Variants in LIN7A observed in about 807,000 individuals in gnomAD.
LIN7A encodes lin-7 cell polarity scaffold A, also known as protein lin-7 homolog A.
Under a neutral mutation model 29.8 loss-of-function variants are expected in LIN7A, and 25 were observed. The observed-to-expected ratio is 0.84, with a 90% CI of 0.61 to 1.17. The LOEUF is 1.17. LIN7A is among the 50% of genes most tolerant of loss of function. The pLI is 0.00. For synonymous variants in LIN7A, 118 were observed against 107.5 expected, an observed-to-expected ratio of 1.10 and a Z score of -0.60; for missense variants, 239 against 287.0, an observed-to-expected ratio of 0.83 and a Z score of 1.21.
At chr12:80,894,528 T>C (rs1875785440) in intron 1 of LIN7A, among the ~76,000 whole-genome samples, 1 of 152,190 alleles carries the variant, frequency 6.6e-6, no homozygotes, top group African/African-American at 2.4e-5. Context: ...TTTCTAGAAT[T>C]TTCGATTTAA....
intron 2 of LIN7A, among the ~76,000 whole-genome samples, chr12:80,888,049 G>A (rs535840448): frequency 2.0e-5 from 3 of 152,226 alleles, no homozygotes; most frequent in African/African-American, 7.2e-5. Context: ...CTTTCCCACT[G>A]AGGGGAAGCT....
At chr12:80,866,929 A>C (rs1164203479) in intron 2 of LIN7A, among the ~76,000 whole-genome samples, 1 of 152,140 alleles carries the variant, frequency 6.6e-6, no homozygotes, top group Non-Finnish European at 1.5e-5. Flanking sequence ...ACCCAGTGGA[A>C]AAGAGGGCAT....
chr12:80,917,262 G>C (rs1877072231), intron 1 of LIN7A, among the ~76,000 whole-genome samples: 1 of 152,130 alleles, frequency 6.6e-6, no homozygotes, highest in African/African-American at 2.4e-5. Flanking sequence ...AACTGGCAAA[G>C]AAACCATGGA....
intron 2 of LIN7A, among the ~76,000 whole-genome samples, chr12:80,855,138 A>T (rs187186215): frequency 6.6e-6 from 1 of 152,238 alleles, no homozygotes; most frequent in East Asian, 1.9e-4. Context: ...AAAAAAAGTA[A>T]ATGCTTCAAC....
intron 1 of LIN7A, among the ~76,000 whole-genome samples, chr12:80,921,018 T>TA (rs1317329125): frequency 1.3e-5 from 2 of 152,178 alleles, no homozygotes; most frequent in Non-Finnish European, 2.9e-5. Context: ...CCAGCTGTGG[T>TA]ATGGCCTGAA....
At chr12:80,853,987 C>T (rs918245861) in intron 2 of LIN7A, among the ~76,000 whole-genome samples, 1 of 152,236 alleles carries the variant, frequency 6.6e-6, no homozygotes. Flanking sequence ...AGCCACTGTG[C>T]CCCTGCTGAA....
chr12:80,870,774 C>T (rs1428257916), intron 2 of LIN7A, among the ~76,000 whole-genome samples: 1 of 152,180 alleles, frequency 6.6e-6, no homozygotes, highest in African/African-American at 2.4e-5. Context: ...CATCAGAGTG[C>T]TCCTCCAGGT....
intron 5 of LIN7A, among the ~76,000 whole-genome samples, chr12:80,806,240 AGT>A (rs1359433562): frequency 6.6e-6 from 1 of 152,104 alleles, no homozygotes; most frequent in African/African-American, 2.4e-5. Context: ...TCTCAAAAAA[AGT>A]GGGTATAGCA....
intron 2 of LIN7A, among the ~76,000 whole-genome samples, chr12:80,876,919 C>A (rs901460294): frequency 9.9e-5 from 15 of 151,638 alleles, no homozygotes; most frequent in African/African-American, 3.4e-4. Context: ...GTCAGGAGTT[C>A]GAGACTACCC....
intron 1 of LIN7A, among the ~76,000 whole-genome samples, chr12:80,915,913 T>C (rs1877008860): frequency 6.6e-6 from 1 of 152,202 alleles, no homozygotes; most frequent in Non-Finnish European, 1.5e-5. Context: ...GAATTGAGAC[T>C]GCCTATTGGG....
At chr12:80,922,698 T>C (rs1169287358) in intron 1 of LIN7A, among the ~76,000 whole-genome samples, 1 of 152,224 alleles carries the variant, frequency 6.6e-6, no homozygotes, top group East Asian at 1.9e-4. Context: ...TCGATTTCTG[T>C]GGTTATGGTT....
At chr12:80,935,904 A>G (rs1878190441) in intron 1 of LIN7A, 7 of 355,372 alleles carry the variant, frequency 2.0e-5, no homozygotes, top group Non-Finnish European at 3.9e-5. Context: ...TCTAAGGGCT[A>G]AGGTAAAACC....
At chr12:80,931,748 T>C (rs1344114504) in intron 1 of LIN7A, among the ~76,000 whole-genome samples, 1 of 152,214 alleles carries the variant, frequency 6.6e-6, no homozygotes, top group Non-Finnish European at 1.5e-5. Flanking sequence ...GTTCAATTTT[T>C]TAATATTTGC....
At chr12:80,853,685 T>C (rs1310986397) in intron 2 of LIN7A, among the ~76,000 whole-genome samples, 1 of 151,900 alleles carries the variant, frequency 6.6e-6, no homozygotes, top group African/African-American at 2.4e-5. Flanking sequence ...GTGAGAATGT[T>C]GGAGAACTAG....
At chr12:80,855,464 A>G (rs1384777852) in intron 2 of LIN7A, among the ~76,000 whole-genome samples, 2 of 152,180 alleles carry the variant, frequency 1.3e-5, no homozygotes, top group Non-Finnish European at 2.9e-5. Context: ...TTGATGTGGT[A>G]TCTGACTTTA....
intron 5 of LIN7A, among the ~76,000 whole-genome samples, chr12:80,809,429 C>A (rs79271782): frequency 0.1 from 15,171 of 152,252 alleles, 815 homozygotes; most frequent in East Asian, 0.18. Context: ...AATACACATT[C>A]ACAGACATCA....
intron 5 of LIN7A, among the ~76,000 whole-genome samples, chr12:80,802,266 T>C (rs7966199): frequency 0.49 from 74,313 of 152,044 alleles, 19,870 homozygotes; most frequent in African/African-American, 0.72. Context: ...GCTTATTTCA[T>C]TTAGCACAAT....
intron 4 of LIN7A, among the ~76,000 whole-genome samples, chr12:80,837,626 T>G (rs1394288458): frequency 6.6e-6 from 1 of 152,210 alleles, no homozygotes; most frequent in Non-Finnish European, 1.5e-5. Flanking sequence ...CTTCCAGGGC[T>G]GTGAGATAAT....
At chr12:80,866,667 C>T (rs1272835954) in intron 2 of LIN7A, among the ~76,000 whole-genome samples, 1 of 152,120 alleles carries the variant, frequency 6.6e-6, no homozygotes, top group African/African-American at 2.4e-5. Context: ...CTTTCAAAAG[C>T]ACTCTATGTG....
Sources: allele counts gnomAD v4.1 joint callset (sites outside exome capture counted in the v4.1 genomes callset), GRCh38; gene constraint gnomAD v4.1.1; transcripts MANE v1.5; gene names NCBI Gene and HGNC (gene_info 2026-07-23, HGNC 2026-07-21).